TLL2: variants seen among roughly 807,000 people sequenced by gnomAD.
TLL2 encodes tolloid like 2, also known as tolloid-like protein 2.
TLL2 carries 106 observed loss-of-function variants against 123.0 expected under a neutral mutation model. The observed-to-expected ratio is 0.86, with a 90% CI of 0.74 to 1.01. The LOEUF is 1.01. Among genes scored for constraint, TLL2 ranks in the 50% least tolerant of loss-of-function variants. The probability of loss-of-function intolerance (pLI) is 0.00; values close to 1 mark genes in which losing one functional copy is unlikely to be tolerated. For missense variants in TLL2, 1,332 were observed against 1,336.7 expected (o/e 1.00, Z 0.06); for synonymous variants, 494 against 516.8 (o/e 0.96, Z 0.60).
At chr10:96,466,816 C>G (rs1217231055) in intron 2 of TLL2, among the ~76,000 whole-genome samples, 1 of 152,148 alleles carries the variant, frequency 6.6e-6, no homozygotes, top group Non-Finnish European at 1.5e-5. Flanking sequence ...CAGCAGACAC[C>G]ATGTATCCAG....
chr10:96,495,718 C>G (rs1485257935), intron 1 of TLL2, among the ~76,000 whole-genome samples: 2 of 152,018 alleles, frequency 1.3e-5, no homozygotes, highest in African/African-American at 4.8e-5. Context: ...GGAGAGGAAA[C>G]AGGCGAGATG....
chr10:96,486,443 C>T (rs1206040028), intron 1 of TLL2, among the ~76,000 whole-genome samples: 4 of 152,192 alleles, frequency 2.6e-5, no homozygotes, highest in African/African-American at 7.2e-5. Context: ...CAAGCATTTC[C>T]CTTAATAGAA....
chr10:96,491,162 C>T (rs1444629808), intron 1 of TLL2, among the ~76,000 whole-genome samples: 5 of 152,188 alleles, frequency 3.3e-5, no homozygotes, highest in African/African-American at 1.2e-4. Flanking sequence ...AGGCGGATCG[C>T]CTGAGGTTAG....
chr10:96,471,265 A>G (rs554421653), intron 2 of TLL2, among the ~76,000 whole-genome samples: 9 of 152,176 alleles, frequency 5.9e-5, no homozygotes, highest in Admixed American at 5.2e-4. Flanking sequence ...TTGGCCTCCT[A>G]AAGTGCTGGG....
At chr10:96,474,552 C>T (rs2134100732) in intron 2 of TLL2, among the ~76,000 whole-genome samples, 1 of 152,270 alleles carries the variant, frequency 6.6e-6, no homozygotes, top group East Asian at 1.9e-4. Context: ...GGGGCCTGCA[C>T]AGGCACATCA....
Position 96,446,114 on chromosome 10 carries a change from G to T in TLL2, c.341C>A (p.Thr114Asn). The T allele has an allele frequency of 6.2e-7, 1 of 1,614,156 alleles. No homozygotes were observed. Residue 114 changes from threonine (T) to asparagine (N), a missense_variant, in exon 3 of 21, where the codon ACT becomes AAT. Physicochemically the swap from Thr to Asn is moderately conservative, Grantham distance 65. Transcript: ENST00000357947. ...ACCCTTTCCAGCTTCCTTGGTGCCAGTGTCCATGGCTGTGGTGTCTGGGCT... is the reference window on the plus strand; with the variant it reads ...ACCCTTTCCAGCTTCCTTGGTGCCATTGTCCATGGCTGTGGTGTCTGGGCT... Reference protein sequence around the residue: ...ESSPDTTAMDTGTKEAGKDGR... With the variant: ...ESSPDTTAMDNGTKEAGKDGR...
intron 13 of TLL2, among the ~76,000 whole-genome samples, chr10:96,390,668 A>T (rs772608115): frequency 6.6e-6 from 1 of 152,200 alleles, no homozygotes; most frequent in Non-Finnish European, 1.5e-5. Context: ...CTTTCACTGG[A>T]GAAGTTCTGA....
At chr10:96,506,320 C>T (rs957787126) in intron 1 of TLL2, among the ~76,000 whole-genome samples, 10 of 145,628 alleles carry the variant, frequency 6.9e-5, no homozygotes, top group Non-Finnish European at 1.2e-4. Flanking sequence ...AAACCTAAGT[C>T]AGCCCAATTC....
At chr10:96,404,025 CCTT>C (rs1233798179) in intron 10 of TLL2, among the ~76,000 whole-genome samples, 13 of 146,374 alleles carry the variant, frequency 8.9e-5, no homozygotes, top group African/African-American at 3.3e-4. Flanking sequence ...CTGACCTTCT[CCTT>C]ATTATCACCC....
At chr10:96,414,944 C>G (rs972758312) in intron 7 of TLL2, among the ~76,000 whole-genome samples, 3 of 152,182 alleles carry the variant, frequency 2.0e-5, no homozygotes, top group Non-Finnish European at 2.9e-5. Context: ...GTGATCAACA[C>G]CCCATTCTTG....
intron 1 of TLL2, among the ~76,000 whole-genome samples, 199 bp downstream of exon 1, chr10:96,513,312 G>A (rs1847649986): frequency 6.6e-6 from 1 of 152,180 alleles, no homozygotes; most frequent in African/African-American, 2.4e-5. Context: ...GGTGCGCACC[G>A]CAAACCTGGG....
intron 20 of TLL2, among the ~76,000 whole-genome samples, chr10:96,369,378 A>G (rs1846057569): frequency 6.6e-6 from 1 of 152,264 alleles, no homozygotes; most frequent in East Asian, 1.9e-4. Flanking sequence ...TTTTCAGAGC[A>G]TTTGGTTTTG....
At chr10:96,448,821 G>A (rs1277597518) in intron 2 of TLL2, among the ~76,000 whole-genome samples, 1 of 152,152 alleles carries the variant, frequency 6.6e-6, no homozygotes, top group African/African-American at 2.4e-5. Flanking sequence ...GAGACAAGGA[G>A]ATGATGAGGT....
chr10:96,389,425 T>C (rs1846264355), intron 13 of TLL2, among the ~76,000 whole-genome samples: 1 of 152,094 alleles, frequency 6.6e-6, no homozygotes, highest in Non-Finnish European at 1.5e-5. Flanking sequence ...TGGGCATACC[T>C]GGACCAGGTG....
chr10:96,413,500 C>T (rs1322845424), intron 7 of TLL2, among the ~76,000 whole-genome samples, 184 bp from the exon 8 acceptor site: 5 of 152,174 alleles, frequency 3.3e-5, no homozygotes, highest in Admixed American at 6.5e-5. Flanking sequence ...CACATTCCAT[C>T]TCATCAGCTG....
intron 1 of TLL2, among the ~76,000 whole-genome samples, chr10:96,496,215 T>C (rs1011501399): frequency 1.3e-5 from 2 of 152,186 alleles, no homozygotes; most frequent in Admixed American, 6.5e-5. Context: ...CTCCTGTCCA[T>C]TGAGCCTGGA....
intron 12 of TLL2, among the ~76,000 whole-genome samples, 168 bp downstream of exon 12, chr10:96,395,707 G>A (rs1846333106): frequency 6.6e-6 from 1 of 152,210 alleles, no homozygotes; most frequent in Admixed American, 6.5e-5. Flanking sequence ...CCATTTCAAA[G>A]CCTGCATAGA....
At chr10:96,393,398 G>A (rs1846307495) in intron 13 of TLL2, among the ~76,000 whole-genome samples, 1 of 152,228 alleles carries the variant, frequency 6.6e-6, no homozygotes, top group Admixed American at 6.5e-5. Flanking sequence ...TCGGTGTATT[G>A]ACTTGCACTA....
intron 16 of TLL2, among the ~76,000 whole-genome samples, chr10:96,383,786 A>T (rs75727089): frequency 1.9e-5 from 1 of 51,566 alleles, no homozygotes; most frequent in African/African-American, 8.9e-5. Context: ...ACGCCCGGCT[A>T]ATTTTTTTTT....
Sources: allele counts gnomAD v4.1 joint callset (sites outside exome capture counted in the v4.1 genomes callset), GRCh38; gene constraint gnomAD v4.1.1; transcripts MANE v1.5; gene names NCBI Gene and HGNC (gene_info 2026-07-23, HGNC 2026-07-21).